Variants in SIPA1L2 observed in about 807,000 individuals in gnomAD.
The protein encoded by SIPA1L2 is signal induced proliferation associated 1 like 2.
In SIPA1L2, 56 loss-of-function variants were observed where a neutral mutation model predicts 163.9. The ratio of observed to expected loss-of-function variants is 0.34; its 90% confidence interval spans 0.28 to 0.43. The LOEUF (loss-of-function observed/expected upper bound fraction) is 0.43, where lower values mean the gene tolerates loss of function less well. Among genes scored for constraint, SIPA1L2 ranks in the 20% least tolerant of loss-of-function variants. SIPA1L2 has a pLI of 1.00. For synonymous variants in SIPA1L2, 877 were observed against 865.7 expected (o/e 1.01, Z -0.23); for missense variants, 1,974 against 2,193.5 (o/e 0.90, Z 2.00).
chr1:232,592,124 C>T (rs1183714470), intron 1 of SIPA1L2, among the ~76,000 whole-genome samples: 7 of 148,986 alleles, frequency 4.7e-5, no homozygotes, highest in African/African-American at 1.7e-4. Flanking sequence ...AATAAACTAC[C>T]AGAGAAAAGA....
intron 3 of SIPA1L2, among the ~76,000 whole-genome samples, chr1:232,504,580 T>A (rs901960603): frequency 6.6e-6 from 1 of 151,960 alleles, no homozygotes; most frequent in Non-Finnish European, 1.5e-5. Context: ...CCTCAAGAAG[T>A]ATCAAACACC....
At chr1:232,469,251 AC>A (rs755746954) in intron 8 of SIPA1L2, among the ~76,000 whole-genome samples, 24 of 152,182 alleles carry the variant, frequency 1.6e-4, no homozygotes, top group Non-Finnish European at 2.8e-4. Flanking sequence ...GGAGCTTGCC[AC>A]TCTGGATTAG....
At chr1:232,570,005 G>A (rs1266515045) in intron 2 of SIPA1L2, among the ~76,000 whole-genome samples, 1 of 152,176 alleles carries the variant, frequency 6.6e-6, no homozygotes, top group East Asian at 1.9e-4. Flanking sequence ...AAAGCAGAGA[G>A]AAGGAACAAA....
At chr1:232,419,032 GGAGT>G (rs532902758) in intron 18 of SIPA1L2, among the ~76,000 whole-genome samples, 21 of 152,202 alleles carry the variant, frequency 1.4e-4, no homozygotes, top group Non-Finnish European at 2.8e-4. Flanking sequence ...GAAAATACAA[GGAGT>G]GATTAAGTCT....
At chr1:232,411,676 G>C (rs1034744143) in intron 19 of SIPA1L2, among the ~76,000 whole-genome samples, 1 of 150,882 alleles carries the variant, frequency 6.6e-6, no homozygotes, top group African/African-American at 2.4e-5. Flanking sequence ...GTACAGTTAA[G>C]TTAGTTAATT....
chr1:232,581,452 C>CAG (rs1039511256), intron 1 of SIPA1L2, among the ~76,000 whole-genome samples: 3 of 151,764 alleles, frequency 2.0e-5, no homozygotes, highest in Non-Finnish European at 2.9e-5. Flanking sequence ...AGAGCAAGGA[C>CAG]AGAGAGAGAG....
intron 2 of SIPA1L2, among the ~76,000 whole-genome samples, chr1:232,532,702 A>G (rs1194288020): frequency 1.3e-5 from 2 of 152,266 alleles, no homozygotes; most frequent in Non-Finnish European, 2.9e-5. Flanking sequence ...CTAGAGAGTC[A>G]GAATTTGTAT....
intron 2 of SIPA1L2, among the ~76,000 whole-genome samples, chr1:232,535,185 A>T (rs1476958888): frequency 1.3e-5 from 2 of 152,214 alleles, no homozygotes; most frequent in Non-Finnish European, 2.9e-5. Context: ...AACATCAAGG[A>T]GCTAGGTTCC....
At chr1:232,445,493 C>T in intron 11 of SIPA1L2, 36 bp downstream of exon 11, 1 of 1,611,898 alleles carries the variant, frequency 6.2e-7, no homozygotes, top group Non-Finnish European at 8.5e-7. Flanking sequence ...CAGTGATTTA[C>T]AAGGGCCCCC....
At position 232,425,636 on chromosome 1, in the gene SIPA1L2, G is replaced by A. The variant is rs376213911; in HGVS notation, c.4583C>T (p.Thr1528Met). The change falls in exon 18 of 23, where the codon ACG becomes ATG. Residue 1528 changes from threonine to methionine, a missense_variant. Physicochemically the swap from Thr to Met is moderately conservative, Grantham distance 81 (BLOSUM62 -1). Around this residue, in one of 3 missense-constraint regions of SIPA1L2, gnomAD observed 1,079 missense variants for 1,150.7 expected, o/e 0.94. Coordinates refer to ENST00000674635, the MANE Select transcript of SIPA1L2 (RefSeq NM_020808.5). ...TGCGGGGTGGGCCCGCGGAGGCAGCGTGCTGTGGTAGGGTGGGGTGGTGCT... is the reference window on the plus strand; with the variant it reads ...TGCGGGGTGGGCCCGCGGAGGCAGCATGCTGTGGTAGGGTGGGGTGGTGCT... ...LFSTTPPYHSTLPPRAHPAPS... is the reference protein window; with the variant it reads ...LFSTTPPYHSMLPPRAHPAPS... 180 of 1,612,020 alleles carry A rather than the reference G, an allele frequency of 1.1e-4. 1 individual carries two copies. In the South Asian group the frequency reaches 1.3e-3, roughly 11 times the overall value.
In SIPA1L2 at chr1:232,629,937, G is replaced by A. The variant is rs1178847466; in HGVS notation, c.-387C>T. Among the ~76,000 whole-genome samples the A allele has an allele frequency of 1.9e-4, 29 of 150,670 alleles. No individual in the cohort carries two copies. In the East Asian group the frequency reaches 4.1e-3, roughly 21 times the overall value. On this transcript the variant is annotated 5_prime_UTR_variant, in exon 1 of 23. Coordinates refer to ENST00000674635, the MANE Select transcript of SIPA1L2 (RefSeq NM_020808.5). ...CCGGGCGGCGCGTACCCGGGCTGCCGCCTCGCCGCCCGCCGCTGCCCGGGG... is the reference window on the plus strand; with the variant it reads ...CCGGGCGGCGCGTACCCGGGCTGCCACCTCGCCGCCCGCCGCTGCCCGGGG...
chr1:232,559,116 C>G (rs1008095448), intron 2 of SIPA1L2, among the ~76,000 whole-genome samples: 5 of 152,166 alleles, frequency 3.3e-5, no homozygotes, highest in Admixed American at 3.3e-4. Context: ...ACCCCAGCAA[C>G]CCCAGACATC....
Position 232,484,388 on chromosome 1 carries a change from C to T in SIPA1L2, c.1807-422G>A, listed in dbSNP as rs1341686276. Among the ~76,000 whole-genome samples, 3 of 151,984 alleles carry T rather than the reference C, an allele frequency of 2.0e-5. No homozygotes were observed. The East Asian group carries it at 5.8e-4, about 29-fold the overall frequency. ...TTTAAGTTTTTCTCTGTAGTAATAC[C>T]TTTTATTTCTTTATCTGAATTTTAT... On this transcript the variant is annotated intron_variant, in intron 5 of 22. Transcript: ENST00000674635.
intron 1 of SIPA1L2, among the ~76,000 whole-genome samples, chr1:232,592,215 C>T (rs1390264066): frequency 1.3e-5 from 2 of 152,306 alleles, no homozygotes; most frequent in African/African-American, 4.8e-5. Context: ...GAATATTTAG[C>T]ACAGACATTT....
At chr1:232,461,287 C>CT (rs1664223173) in intron 9 of SIPA1L2, 126 bp from the exon 10 acceptor site, 1 of 1,199,532 alleles carries the variant, frequency 8.3e-7, no homozygotes, top group Admixed American at 2.3e-5. Context: ...CAGCCTGTCT[C>CT]TCTCTGCCTT....
chr1:232,460,694 A>G (rs754775566), intron 10 of SIPA1L2, among the ~76,000 whole-genome samples, 193 bp downstream of exon 10: 1 of 152,240 alleles, frequency 6.6e-6, no homozygotes, highest in African/African-American at 2.4e-5. Flanking sequence ...TCTATTACAT[A>G]TTTTAAAGCT....
At chr1:232,497,670 C>T (rs1400701648) in intron 3 of SIPA1L2, among the ~76,000 whole-genome samples, 4 of 152,202 alleles carry the variant, frequency 2.6e-5, no homozygotes, top group South Asian at 4.1e-4. Context: ...CTCTACTCCT[C>T]CACTACTATG....
At chr1:232,480,146 T>TGTGTGC (rs1553296451) in intron 6 of SIPA1L2, among the ~76,000 whole-genome samples, 1 of 124,250 alleles carries the variant, frequency 8.0e-6, no homozygotes, top group Non-Finnish European at 1.6e-5. Flanking sequence ...CATCTGTGTG[T>TGTGTGC]GTGTGTGCGT....
intron 1 of SIPA1L2, among the ~76,000 whole-genome samples, chr1:232,606,563 A>G (rs929626067): frequency 2.0e-5 from 3 of 151,306 alleles, no homozygotes; most frequent in Admixed American, 6.6e-5. Context: ...ATTAAATAAA[A>G]TAATGTAGGT....
Sources: gnomAD v4.1 joint callset for allele counts (sites outside exome capture counted in the v4.1 genomes callset) on GRCh38, gnomAD v4.1.1 for gene constraint, gnomAD v4.1.1 regional missense constraint, MANE v1.5 for transcripts, NCBI Gene and HGNC (gene_info 2026-07-23, HGNC 2026-07-21) for gene names.